NCAM2: variants seen among roughly 807,000 people sequenced by gnomAD.
NCAM2 encodes the protein neural cell adhesion molecule 2, also known as N-CAM-2.
In NCAM2, 30 loss-of-function variants were observed where a neutral mutation model predicts 98.1. The observed-to-expected ratio is 0.31, with a 90% CI of 0.23 to 0.41. The LOEUF is 0.41. Among genes scored for constraint, NCAM2 ranks in the 10% least tolerant of loss-of-function variants. The pLI is 1.00. For missense variants in NCAM2, 867 were observed against 1,005.8 expected (o/e 0.86, Z 1.87); for synonymous variants, 368 against 342.4 (o/e 1.07, Z -0.83).
chr21:21,356,822 C>A (rs1445073256), intron 8 of NCAM2, among the ~76,000 whole-genome samples: 1 of 152,006 alleles, frequency 6.6e-6, no homozygotes, highest in South Asian at 2.1e-4. Context: ...GAAATCCCAT[C>A]TCTACTAAAA....
chr21:21,221,028 C>T lies in NCAM2; in HGVS notation c.56-59550C>T, dbSNP rs192727043. Among the ~76,000 whole-genome samples the T allele has an allele frequency of 2.0e-5, 3 of 151,448 alleles. No individual in the cohort carries two copies. In the East Asian group the frequency reaches 5.8e-4, roughly 29 times the overall value. On this transcript the variant is annotated intron_variant, in intron 1 of 17. Transcript: ENST00000400546. ...GTCTCTGTGTCATGTTTCAGTAATTCTTACAATATTGCAAACTTTCTCACT... is the reference window on the plus strand; with the variant it reads ...GTCTCTGTGTCATGTTTCAGTAATTTTTACAATATTGCAAACTTTCTCACT...
intron 6 of NCAM2, 41 bp from the exon 7 acceptor site, chr21:21,335,464 A>T: frequency 6.6e-7 from 1 of 1,511,240 alleles, no homozygotes; most frequent in Non-Finnish European, 8.8e-7. Flanking sequence ...CTAAATTATA[A>T]AGCCAGATCT....
At chr21:21,270,096 A>G (rs1177630550) in intron 1 of NCAM2, among the ~76,000 whole-genome samples, 1 of 152,156 alleles carries the variant, frequency 6.6e-6, no homozygotes, top group Non-Finnish European at 1.5e-5. Context: ...TTAATTTAGT[A>G]CTGCGTAATA....
chr21:21,507,703 T>C (rs189659077), intron 15 of NCAM2, among the ~76,000 whole-genome samples: 175 of 150,616 alleles, frequency 1.2e-3, no homozygotes, highest in African/African-American at 4.2e-3. Context: ...GGCATGAGAA[T>C]TGCTTGAACC....
intron 5 of NCAM2, among the ~76,000 whole-genome samples, chr21:21,306,901 A>G (rs943290096): frequency 1.6e-4 from 25 of 151,694 alleles, no homozygotes; most frequent in Admixed American, 1.1e-3. Context: ...CCTGAATTCA[A>G]TTGCTTTGAT....
intron 5 of NCAM2, among the ~76,000 whole-genome samples, chr21:21,304,977 A>G (rs1339273987): frequency 6.6e-6 from 1 of 152,192 alleles, no homozygotes; most frequent in Non-Finnish European, 1.5e-5. Flanking sequence ...TTATTATAGT[A>G]GTTCATAATT....
intron 1 of NCAM2, among the ~76,000 whole-genome samples, chr21:21,034,801 A>G (rs1300065015): frequency 6.6e-6 from 1 of 151,698 alleles, no homozygotes; most frequent in Admixed American, 6.6e-5. Context: ...TGGCAAGTTC[A>G]ATTTATTTGT....
intron 5 of NCAM2, among the ~76,000 whole-genome samples, chr21:21,322,959 G>C (rs1384952424): frequency 6.6e-6 from 1 of 152,076 alleles, no homozygotes; most frequent in Non-Finnish European, 1.5e-5. Flanking sequence ...GTTCCTTCCA[G>C]CTAAAGAAAA....
chr21:21,491,844 T>C (rs1395774280), intron 15 of NCAM2, among the ~76,000 whole-genome samples: 1 of 151,598 alleles, frequency 6.6e-6, no homozygotes, highest in Admixed American at 6.6e-5. Context: ...AAGTCTTATA[T>C]ATTGTAATAC....
intron 8 of NCAM2, among the ~76,000 whole-genome samples, chr21:21,365,206 C>T (rs1398403645): frequency 2.0e-5 from 3 of 148,316 alleles, no homozygotes; most frequent in South Asian, 2.1e-4. Context: ...CAGTGCTTTC[C>T]GTTGGAGATT....
At chr21:21,155,479 TGTTA>T (rs900880740) in intron 1 of NCAM2, among the ~76,000 whole-genome samples, 7 of 151,804 alleles carry the variant, frequency 4.6e-5, no homozygotes, top group Non-Finnish European at 8.8e-5. Flanking sequence ...TCTGGTTTTG[TGTTA>T]GTTACTCATG....
chr21:21,078,416 A>G (rs1601299970), intron 1 of NCAM2, among the ~76,000 whole-genome samples: 1 of 152,226 alleles, frequency 6.6e-6, no homozygotes, highest in South Asian at 2.1e-4. Flanking sequence ...TGGCTGTAGA[A>G]TGAAACAAAG....
At position 21,403,969 on chromosome 21, in the gene NCAM2, TCAGGC is replaced by T. The variant is rs1353264261; in HGVS notation, c.1196-6304_1196-6300del. Among the ~76,000 whole-genome samples the T allele has an allele frequency of 2.1e-3, 318 of 152,070 alleles. 2 individuals carry two copies. The highest frequency in any genetic ancestry group is 7.3e-3 in the African/African-American group (301 of 41,508). The stretch of plus-strand genomic sequence containing the variant: ...AAAAATAAAGTCACTATTTAAGGGG[TCAGGC>T]TTAATATATGGTATCATAATACTGT... On this transcript the variant is annotated intron_variant, in intron 9 of 17. Transcript: ENST00000400546.
intron 8 of NCAM2, among the ~76,000 whole-genome samples, chr21:21,361,264 C>T (rs1403062699): frequency 7.2e-5 from 11 of 151,804 alleles, no homozygotes; most frequent in African/African-American, 1.4e-4. Flanking sequence ...ATCCTTCATA[C>T]GTATGTGTAT....
At chr21:21,534,111 T>G (rs925704942) in intron 16 of NCAM2, among the ~76,000 whole-genome samples, 1 of 152,004 alleles carries the variant, frequency 6.6e-6, no homozygotes, top group African/African-American at 2.4e-5. Context: ...TTTTAAAATT[T>G]TAAAATGTTT....
chr21:21,171,425 G>C (rs2068120132), intron 1 of NCAM2, among the ~76,000 whole-genome samples: 2 of 152,050 alleles, frequency 1.3e-5, no homozygotes, highest in East Asian at 3.9e-4. Flanking sequence ...ATTTTGTCTT[G>C]GTCTGATATT....
intron 1 of NCAM2, among the ~76,000 whole-genome samples, chr21:21,072,881 G>A (rs1010550719): frequency 1.3e-5 from 2 of 152,004 alleles, no homozygotes; most frequent in African/African-American, 4.8e-5. Context: ...GTGGCAGTGA[G>A]TATATTCACA....
intron 1 of NCAM2, among the ~76,000 whole-genome samples, chr21:21,120,932 G>A (rs1168479547): frequency 1.3e-5 from 2 of 151,978 alleles, no homozygotes; most frequent in East Asian, 3.9e-4. Context: ...TGACCAGGCT[G>A]GTCTTGAACT....
intron 5 of NCAM2, among the ~76,000 whole-genome samples, chr21:21,301,103 C>A (rs1016176294): frequency 2.0e-5 from 3 of 151,996 alleles, no homozygotes; most frequent in Non-Finnish European, 4.4e-5. Flanking sequence ...GCTTGATGAT[C>A]TGTTTAAGTC....
Sources: gnomAD v4.1 joint callset for allele counts (sites outside exome capture counted in the v4.1 genomes callset) on GRCh38, gnomAD v4.1.1 for gene constraint, MANE v1.5 for transcripts, NCBI Gene and HGNC (gene_info 2026-07-23, HGNC 2026-07-21) for gene names.